Variants in CIAO2A observed in about 807,000 individuals in gnomAD.
CIAO2A encodes the protein MIP18 family protein FAM96A.
Under a neutral mutation model 22.4 loss-of-function variants are expected in CIAO2A, and 17 were observed. The observed-to-expected ratio is 0.76, with a 90% confidence interval of 0.52 to 1.14. CIAO2A has a LOEUF of 1.14. CIAO2A is among the 50% of genes most tolerant of loss of function. CIAO2A has a pLI of 0.00. For synonymous variants in CIAO2A, 74 were observed against 72.3 expected (o/e 1.02, Z -0.12); for missense variants, 192 against 191.4 (o/e 1.00, Z -0.02).
chr15:64,090,777 C>T (rs1040126396), intron 1 of CIAO2A, among the ~76,000 whole-genome samples: 2 of 152,094 alleles, frequency 1.3e-5, no homozygotes, highest in Non-Finnish European at 2.9e-5. Context: ...AAGGGAGGGA[C>T]ATGAAAAGGA....
chr15:64,084,243 A>G (rs1595956824), intron 2 of CIAO2A, among the ~76,000 whole-genome samples: 1 of 152,036 alleles, frequency 6.6e-6, no homozygotes. Context: ...CCTAGGCTCC[A>G]GTGATCCTCT....
chr15:64,075,460 T>G, intron 4 of CIAO2A, 32 bp downstream of exon 4: 1 of 1,422,124 alleles, frequency 7.0e-7, no homozygotes, highest in Non-Finnish European at 9.7e-7. Flanking sequence ...TATCTGAAGT[T>G]GTTTTTCAAT....
intron 4 of CIAO2A, 136 bp from the exon 5 acceptor site, chr15:64,073,164 A>C: frequency 3.6e-6 from 2 of 560,084 alleles, no homozygotes; most frequent in Non-Finnish European, 6.3e-6. Context: ...ATTACTCATA[A>C]TGTAATTTCC....
intron 4 of CIAO2A, 53 bp from the exon 5 acceptor site, chr15:64,073,081 C>G: frequency 8.2e-7 from 1 of 1,221,736 alleles, no homozygotes; most frequent in Non-Finnish European, 1.2e-6. Context: ...ATATACAGCA[C>G]CAGACAGTAT....
At chr15:64,074,780 C>T (rs1377723380) in intron 4 of CIAO2A, 1 of 152,132 alleles carries the variant, frequency 6.6e-6, no homozygotes, top group East Asian at 1.9e-4. Flanking sequence ...TGGTATCTAT[C>T]TCACTGTTGC....
intron 3 of CIAO2A, among the ~76,000 whole-genome samples, chr15:64,078,728 T>A (rs1291262065): frequency 6.7e-6 from 1 of 150,270 alleles, no homozygotes; most frequent in African/African-American, 2.4e-5. Context: ...AAAAGGACAC[T>A]CTCTACATCA....
intron 1 of CIAO2A, among the ~76,000 whole-genome samples, chr15:64,090,692 T>C (rs1363994099): frequency 6.6e-6 from 1 of 152,006 alleles, no homozygotes; most frequent in Non-Finnish European, 1.5e-5. Flanking sequence ...CAGTAGAGAG[T>C]GCGTGCGCTG....
chr15:64,088,533 A>C (rs1043824926), intron 2 of CIAO2A, among the ~76,000 whole-genome samples, 154 bp downstream of exon 2: 1 of 152,240 alleles, frequency 6.6e-6, no homozygotes, highest in Non-Finnish European at 1.5e-5. Flanking sequence ...AGGACTACAG[A>C]AGATGAATAC....
At position 64,073,008 on chromosome 15, in the gene CIAO2A, T is replaced by G. The variant is rs1388869569; in HGVS notation, c.406A>C (p.Lys136Gln). ...EEDINKQIND[K>Q]ERVAAAMENP... ...TCCATTGCAGCTGCCACTCGCTCTT[T>G]GTCATTTATCTGCTTATTGACTGAA... The change falls in exon 5 of 5, where the codon AAA becomes CAA. Residue 136 changes from lysine to glutamine, a missense_variant. By Grantham distance (53) the Lys-to-Gln change is moderately conservative. Coordinates refer to ENST00000300030, the MANE Select transcript of CIAO2A (RefSeq NM_032231.7). 6.2e-7 allele frequency: 1 copy of G among 1,613,452 alleles called. No individual in the cohort carries two copies. The highest frequency in any genetic ancestry group is 8.5e-7 in the Non-Finnish European group (1 of 1,179,572).
chr15:64,093,558 G>C, intron 1 of CIAO2A, 87 bp downstream of exon 1: 1 of 1,409,928 alleles, frequency 7.1e-7, no homozygotes, highest in Non-Finnish European at 9.6e-7. Context: ...TCCCCTCCCA[G>C]CCCTCAGGTG....
At chr15:64,074,513 T>C (rs540443061) in intron 4 of CIAO2A, 96 of 152,368 alleles carry the variant, frequency 6.3e-4, no homozygotes, top group African/African-American at 2.2e-3. Flanking sequence ...ACCTAAACTC[T>C]TATTTTTCTA....
intron 2 of CIAO2A, among the ~76,000 whole-genome samples, chr15:64,087,718 GC>G (rs1425695575): frequency 1.3e-5 from 2 of 152,024 alleles, no homozygotes; most frequent in African/African-American, 2.4e-5. Flanking sequence ...TAAACTTGTT[GC>G]TTTTTAATAG....
Position 64,093,761 on chromosome 15 carries a change from C to T in CIAO2A, c.8G>A (p.Arg3Gln). 6.2e-7 allele frequency: 1 copy of T among 1,610,526 alleles called. No individual in the cohort carries two copies. Among genetic ancestry groups the T allele is most frequent in the Non-Finnish European group, 8.5e-7 (1 of 1,177,040 alleles). MQ[R>Q]VSGLLSWTLS... ...CGTCCAGGAGAGCAGCCCGGACACC[C>T]GCTGCATCTTCACGCTCAGCCATCC... The change falls in exon 1 of 5, where the codon CGG becomes CAG. Residue 3 changes from arginine (R) to glutamine (Q), a missense_variant. By Grantham distance (43) the Arg-to-Gln change is conservative. Coordinates refer to ENST00000300030, the MANE Select transcript of CIAO2A (RefSeq NM_032231.7).
intron 2 of CIAO2A, among the ~76,000 whole-genome samples, chr15:64,087,846 T>C (rs1262874312): frequency 2.0e-5 from 3 of 151,966 alleles, no homozygotes; most frequent in African/African-American, 7.2e-5. Context: ...AACACCCTTA[T>C]AGCTATTCAT....
intron 3 of CIAO2A, among the ~76,000 whole-genome samples, chr15:64,077,223 G>A (rs775974435): frequency 1.7e-4 from 26 of 152,238 alleles, no homozygotes; most frequent in Middle Eastern, 3.4e-3. Flanking sequence ...CCTTGAACCC[G>A]GGAGGTGGAG....
intron 4 of CIAO2A, chr15:64,074,182 T>C (rs1595950383): frequency 1.3e-5 from 2 of 152,242 alleles, no homozygotes; most frequent in Admixed American, 6.5e-5. Context: ...GCATTCTTAA[T>C]AGAAGAGTTC....
intron 4 of CIAO2A, 129 bp downstream of exon 4, chr15:64,075,363 A>G (rs948151494): frequency 8.5e-6 from 5 of 589,336 alleles, no homozygotes; most frequent in Non-Finnish European, 1.5e-5. Context: ...CTAGGAAGGA[A>G]GAGCCAATAA....
At chr15:64,077,683 C>A (rs1041128565) in intron 3 of CIAO2A, among the ~76,000 whole-genome samples, 3 of 152,296 alleles carry the variant, frequency 2.0e-5, no homozygotes, top group Non-Finnish European at 2.9e-5. Flanking sequence ...GGTTTACATT[C>A]TTCAAAAATA....
chr15:64,082,813 T>C (rs1015718835), intron 2 of CIAO2A, among the ~76,000 whole-genome samples: 9 of 152,156 alleles, frequency 5.9e-5, no homozygotes, highest in African/African-American at 1.4e-4. Context: ...CTGAGATACT[T>C]TGGGTTTCAA....
Sources: allele counts gnomAD v4.1 joint callset (sites outside exome capture counted in the v4.1 genomes callset), GRCh38; gene constraint gnomAD v4.1.1; transcripts MANE v1.5; gene names NCBI Gene and HGNC (gene_info 2026-07-23, HGNC 2026-07-21).